The following CAMK1D variants were observed in gnomAD, a reference collection of about 807,000 sequenced individuals.
The protein encoded by CAMK1D is calcium/calmodulin dependent protein kinase ID.
In CAMK1D, 9 loss-of-function variants were observed where a neutral mutation model predicts 47.7. The ratio of observed to expected loss-of-function variants is 0.19; its 90% CI spans 0.11 to 0.33. CAMK1D has a LOEUF of 0.33. CAMK1D is among the 10% of genes least tolerant of loss of function. CAMK1D has a pLI of 1.00. For synonymous variants in CAMK1D, 184 were observed against 184.9 expected (o/e 0.99, Z 0.04); for missense variants, 291 against 488.7 (o/e 0.60, Z 3.81).
chr10:12,816,648 A>C (rs1832806511), intron 8 of CAMK1D, among the ~76,000 whole-genome samples: 1 of 151,958 alleles, frequency 6.6e-6, no homozygotes, highest in Non-Finnish European at 1.5e-5. Context: ...AGGTGGGTGG[A>C]TCACAAGGTC....
intron 1 of CAMK1D, among the ~76,000 whole-genome samples, chr10:12,437,066 G>A (rs533798589): frequency 3.3e-5 from 5 of 152,200 alleles, no homozygotes; most frequent in South Asian, 2.1e-4. Flanking sequence ...TGGTGGTGAC[G>A]TGTGAAATGG....
intron 1 of CAMK1D, among the ~76,000 whole-genome samples, chr10:12,438,365 C>T (rs970814033): frequency 2.0e-5 from 3 of 152,218 alleles, no homozygotes; most frequent in Middle Eastern, 3.4e-3. Flanking sequence ...CTTCCCCTGT[C>T]GTGATGGAAT....
intron 1 of CAMK1D, among the ~76,000 whole-genome samples, chr10:12,528,514 T>G (rs1835699270): frequency 1.3e-5 from 2 of 152,200 alleles, no homozygotes; most frequent in Non-Finnish European, 2.9e-5. Flanking sequence ...CTGGAAGGTG[T>G]GGTACATTTA....
chr10:12,446,553 C>A (rs184897546), intron 1 of CAMK1D, among the ~76,000 whole-genome samples: 9 of 152,266 alleles, frequency 5.9e-5, no homozygotes, highest in Admixed American at 5.9e-4. Context: ...ACTTAGCATG[C>A]CTTAACTGCC....
At chr10:12,747,071 G>C (rs972833090) in intron 3 of CAMK1D, among the ~76,000 whole-genome samples, 10 of 151,094 alleles carry the variant, frequency 6.6e-5, no homozygotes, top group African/African-American at 2.4e-4. Flanking sequence ...CTGCTCTGTT[G>C]CCCAGGCTAG....
intron 1 of CAMK1D, among the ~76,000 whole-genome samples, chr10:12,447,675 C>T (rs1266420146): frequency 1.3e-5 from 2 of 152,080 alleles, no homozygotes; most frequent in Admixed American, 1.3e-4. Flanking sequence ...GCATTCCAGC[C>T]TTGGTGATAG....
At chr10:12,537,185 C>T (rs1203918582) in intron 1 of CAMK1D, among the ~76,000 whole-genome samples, 2 of 152,158 alleles carry the variant, frequency 1.3e-5, no homozygotes, top group Non-Finnish European at 2.9e-5. Context: ...GATTCTCCTT[C>T]CTCAACCTCC....
chr10:12,803,312 G>A (rs766384415), intron 6 of CAMK1D, among the ~76,000 whole-genome samples: 2 of 152,202 alleles, frequency 1.3e-5, no homozygotes, highest in Non-Finnish European at 2.9e-5. Flanking sequence ...GGAACCCTGA[G>A]GGGCAAGACC....
At chr10:12,598,381 T>C (rs1838204896) in intron 2 of CAMK1D, among the ~76,000 whole-genome samples, 1 of 152,218 alleles carries the variant, frequency 6.6e-6, no homozygotes, top group Middle Eastern at 3.2e-3. Context: ...ACGATGTCGA[T>C]AATTTTCCCA....
intron 2 of CAMK1D, among the ~76,000 whole-genome samples, chr10:12,597,782 A>G (rs1225196175): frequency 6.6e-6 from 1 of 152,168 alleles, no homozygotes; most frequent in East Asian, 1.9e-4. Flanking sequence ...CTATCCAAAG[A>G]TGAAGGAGCC....
At chr10:12,687,769 C>T (rs938436534) in intron 3 of CAMK1D, among the ~76,000 whole-genome samples, 3 of 152,192 alleles carry the variant, frequency 2.0e-5, no homozygotes, top group African/African-American at 4.8e-5. Flanking sequence ...TGCTGAAGTT[C>T]ACAGCTGTTG....
intron 2 of CAMK1D, among the ~76,000 whole-genome samples, chr10:12,607,341 A>G (rs981640824): frequency 1.1e-4 from 16 of 152,318 alleles, no homozygotes; most frequent in African/African-American, 3.6e-4. Flanking sequence ...GGTTTGCTGT[A>G]TGAGAACCTC....
intron 3 of CAMK1D, among the ~76,000 whole-genome samples, chr10:12,697,836 A>G (rs1833358193): frequency 6.6e-6 from 1 of 152,222 alleles, no homozygotes; most frequent in African/African-American, 2.4e-5. Context: ...GGTCTGGAGT[A>G]GAGGCTGTGG....
chr10:12,722,011 A>G (rs776264066), intron 3 of CAMK1D, among the ~76,000 whole-genome samples: 1 of 152,086 alleles, frequency 6.6e-6, no homozygotes, highest in Non-Finnish European at 1.5e-5. Context: ...GGTCCCTTTT[A>G]TAAGGGCGTT....
chr10:12,567,543 C>T (rs1215833573), intron 2 of CAMK1D, among the ~76,000 whole-genome samples: 1 of 152,178 alleles, frequency 6.6e-6, no homozygotes, highest in Non-Finnish European at 1.5e-5. Context: ...CAGGTGTACG[C>T]ACATTTTTCT....
At chr10:12,715,614 A>G (rs985445081) in intron 3 of CAMK1D, among the ~76,000 whole-genome samples, 2 of 152,084 alleles carry the variant, frequency 1.3e-5, no homozygotes, top group Non-Finnish European at 2.9e-5. Context: ...ATGTGATATA[A>G]CATAGTATGC....
chr10:12,381,262 T>A lies in CAMK1D; in HGVS notation c.92+31352T>A, dbSNP rs746846929. On this transcript the variant is annotated intron_variant, in intron 1 of 10. Coordinates refer to ENST00000619168, the MANE Select transcript of CAMK1D (RefSeq NM_153498.4). Reference sequence around the variant, plus strand: ...GTGGTCACAGCTTGACTTGGGTGATTGCTTCTGAATCCTGCAAGGAGAAAT... The same window carrying A: ...GTGGTCACAGCTTGACTTGGGTGATAGCTTCTGAATCCTGCAAGGAGAAAT... 6.7e-4 allele frequency among the ~76,000 whole-genome samples: 102 copies of A among 152,290 alleles called. 1 individual carries two copies. Among genetic ancestry groups the A allele is most frequent in the Non-Finnish European group, 1.3e-3 (86 of 68,036 alleles).
chr10:12,601,663 C>T (rs997414949), intron 2 of CAMK1D, among the ~76,000 whole-genome samples: 10 of 152,138 alleles, frequency 6.6e-5, no homozygotes, highest in African/African-American at 2.4e-4. Flanking sequence ...GGGGTTTCAC[C>T]TGGTTGGCCA....
At chr10:12,788,956 C>G (rs1837854972) in intron 5 of CAMK1D, among the ~76,000 whole-genome samples, 1 of 152,242 alleles carries the variant, frequency 6.6e-6, no homozygotes, top group South Asian at 2.1e-4. Flanking sequence ...GCGTTGCAGA[C>G]TAAAGCCAGT....
Sources: gnomAD v4.1 joint callset for allele counts (sites outside exome capture counted in the v4.1 genomes callset) on GRCh38, gnomAD v4.1.1 for gene constraint, MANE v1.5 for transcripts, NCBI Gene and HGNC (gene_info 2026-07-23, HGNC 2026-07-21) for gene names.